TTLL11: variants seen among roughly 807,000 people sequenced by gnomAD.
TTLL11 encodes the protein tubulin tyrosine ligase like 11, also known as tubulin polyglutamylase TTLL11.
A neutral mutation model predicts 51.7 loss-of-function variants in TTLL11; 42 were observed. The ratio of observed to expected loss-of-function variants is 0.81; its 90% CI spans 0.64 to 1.05. The LOEUF (loss-of-function observed/expected upper bound fraction) is 1.05. Ranked by LOEUF, TTLL11 falls within the 50% of genes least tolerant of loss-of-function variation. TTLL11 has a pLI of 0.00. For synonymous variants in TTLL11, 381 were observed against 383.5 expected, an observed-to-expected ratio of 0.99 and a Z score of 0.08; for missense variants, 799 against 940.4, an observed-to-expected ratio of 0.85 and a Z score of 1.97.
intron 3 of TTLL11, among the ~76,000 whole-genome samples, chr9:122,021,394 T>C (rs1844177244): frequency 6.6e-6 from 1 of 152,180 alleles, no homozygotes; most frequent in Non-Finnish European, 1.5e-5. Context: ...AGCGTCTTCC[T>C]TAAATGTTTT....
intron 6 of TTLL11, among the ~76,000 whole-genome samples, chr9:121,950,215 C>T (rs1182993766): frequency 6.6e-6 from 1 of 152,056 alleles, no homozygotes; most frequent in Middle Eastern, 3.2e-3. Context: ...CCCGTATCAC[C>T]GCACTCCTCA....
rs533450454 is a variant in TTLL11 at position 122,061,245 on chromosome 9, G to T, written c.463-21877C>A. On this transcript the variant is annotated intron_variant, in intron 1 of 8. Coordinates refer to ENST00000321582, the MANE Select transcript of TTLL11 (RefSeq NM_001139442.2). Reference sequence around the variant, plus strand: ...TAAAACCAGGATCGTCTCATCCCAAGATCTTTAATTACATCTGCAAAGACT... The same window carrying T: ...TAAAACCAGGATCGTCTCATCCCAATATCTTTAATTACATCTGCAAAGACT... Among the ~76,000 whole-genome samples the T allele has an allele frequency of 3.9e-5, 6 of 152,310 alleles. No homozygotes were observed. In the East Asian group the frequency reaches 7.7e-4, roughly 20 times the overall value.
chr9:122,087,085 G>A (rs1775791523), intron 1 of TTLL11, among the ~76,000 whole-genome samples: 1 of 152,232 alleles, frequency 6.6e-6, no homozygotes, highest in Non-Finnish European at 1.5e-5. Flanking sequence ...TGTGGCCATG[G>A]GCTGGCCCTG....
At chr9:122,083,350 C>A (rs965061123) in intron 1 of TTLL11, among the ~76,000 whole-genome samples, 8 of 152,186 alleles carry the variant, frequency 5.3e-5, no homozygotes, top group African/African-American at 1.9e-4. Flanking sequence ...CAATGGGAGA[C>A]CACGATCTCA....
intron 6 of TTLL11, among the ~76,000 whole-genome samples, chr9:121,898,713 G>T (rs1347367174): frequency 6.6e-6 from 1 of 152,220 alleles, no homozygotes; most frequent in African/African-American, 2.4e-5. Flanking sequence ...CAGTGCAGCA[G>T]CATGATCACC....
At chr9:121,865,901 C>T (rs1838160769) in intron 7 of TTLL11, among the ~76,000 whole-genome samples, 1 of 152,134 alleles carries the variant, frequency 6.6e-6, no homozygotes, top group Non-Finnish European at 1.5e-5. Context: ...GCCAGACTGG[C>T]ATTAGCATAA....
At chr9:122,075,344 A>G (rs996357610) in intron 1 of TTLL11, among the ~76,000 whole-genome samples, 1 of 152,338 alleles carries the variant, frequency 6.6e-6, no homozygotes, top group Non-Finnish European at 1.5e-5. Context: ...CATTCAACAC[A>G]TATTTGTTGA....
At chr9:121,986,154 A>G (rs565852275) in intron 4 of TTLL11, among the ~76,000 whole-genome samples, 1 of 152,324 alleles carries the variant, frequency 6.6e-6, no homozygotes, top group African/African-American at 2.4e-5. Flanking sequence ...TTCCACTTGC[A>G]GACATGATCT....
At chr9:122,034,319 T>G (rs1844639968) in intron 2 of TTLL11, among the ~76,000 whole-genome samples, 1 of 152,210 alleles carries the variant, frequency 6.6e-6, no homozygotes, top group South Asian at 2.1e-4. Flanking sequence ...TCATTTAATA[T>G]CGGCAATGGC....
chr9:121,973,202 T>C (rs1003664317), intron 6 of TTLL11, among the ~76,000 whole-genome samples: 1 of 152,168 alleles, frequency 6.6e-6, no homozygotes, highest in Non-Finnish European at 1.5e-5. Context: ...AACAGCGCAA[T>C]GTAATGTACC....
intron 6 of TTLL11, among the ~76,000 whole-genome samples, chr9:121,965,883 C>A (rs929527476): frequency 1.3e-5 from 2 of 152,096 alleles, no homozygotes; most frequent in African/African-American, 4.8e-5. Context: ...CTTGGTTGTA[C>A]GACAAGGCCC....
chr9:121,912,169 C>T (rs1320891417), intron 6 of TTLL11, among the ~76,000 whole-genome samples: 1 of 152,180 alleles, frequency 6.6e-6, no homozygotes, highest in Non-Finnish European at 1.5e-5. Flanking sequence ...GCCTGGGCCG[C>T]TCATCTACTG....
chr9:121,841,039 A>G (rs1368968020), intron 8 of TTLL11, among the ~76,000 whole-genome samples: 1 of 152,140 alleles, frequency 6.6e-6, no homozygotes, highest in African/African-American at 2.4e-5. Flanking sequence ...AGGAGAGAGC[A>G]TGGCTGTTTG....
intron 6 of TTLL11, among the ~76,000 whole-genome samples, chr9:121,931,781 C>T (rs1840993575): frequency 6.6e-6 from 1 of 152,054 alleles, no homozygotes; most frequent in African/African-American, 2.4e-5. Flanking sequence ...GGGTTGCCTG[C>T]CTGCTTTCCA....
intron 7 of TTLL11, among the ~76,000 whole-genome samples, chr9:121,866,645 G>T (rs1435626762): frequency 3.0e-5 from 4 of 131,324 alleles, no homozygotes; most frequent in Non-Finnish European, 6.2e-5. Context: ...GGGCAACAGA[G>T]CAAGACTCCA....
intron 2 of TTLL11, among the ~76,000 whole-genome samples, chr9:122,038,618 C>T (rs1248955341): frequency 2.6e-5 from 4 of 152,132 alleles, no homozygotes; most frequent in Non-Finnish European, 5.9e-5. Context: ...TGCTGCTCTC[C>T]AGTATGAGTG....
At chr9:121,897,595 C>T (rs538733235) in intron 6 of TTLL11, among the ~76,000 whole-genome samples, 2 of 147,740 alleles carry the variant, frequency 1.4e-5, no homozygotes, top group East Asian at 4.0e-4. Context: ...CACAAGCCCA[C>T]CTTCCCAGGC....
intron 8 of TTLL11, among the ~76,000 whole-genome samples, chr9:121,829,774 T>TACACACACACACAC (rs10536790): frequency 2.8e-5 from 4 of 143,980 alleles, no homozygotes; most frequent in African/African-American, 1.0e-4. Flanking sequence ...ATAATTCAAG[T>TACACACACACACAC]ACACACACAC....
intron 1 of TTLL11, among the ~76,000 whole-genome samples, chr9:122,086,441 T>G (rs1013381965): frequency 8.5e-5 from 13 of 152,350 alleles, no homozygotes; most frequent in Admixed American, 7.8e-4. Context: ...ATGGTGCTTT[T>G]TTTTTAAATG....
Sources: gnomAD v4.1 joint callset for allele counts (sites outside exome capture counted in the v4.1 genomes callset) on GRCh38, gnomAD v4.1.1 for gene constraint, MANE v1.5 for transcripts, NCBI Gene and HGNC (gene_info 2026-07-23, HGNC 2026-07-21) for gene names.